The following ARHGAP18 variants were observed in gnomAD, a reference collection of about 807,000 sequenced individuals.
ARHGAP18 encodes rho GTPase-activating protein 18.
ARHGAP18 carries 67 observed loss-of-function variants against 86.2 expected under a neutral mutation model. The observed-to-expected ratio is 0.78, with a 90% CI of 0.64 to 0.95. The LOEUF (loss-of-function observed/expected upper bound fraction) is 0.95, where lower values mean the gene tolerates loss of function less well. Among genes scored for constraint, ARHGAP18 ranks in the 40% least tolerant of loss-of-function variants. ARHGAP18 has a pLI of 0.00. For synonymous variants in ARHGAP18, 283 were observed against 280.4 expected (o/e 1.01, Z -0.09); for missense variants, 691 against 780.4 (o/e 0.89, Z 1.37).
intron 1 of ARHGAP18, among the ~76,000 whole-genome samples, chr6:129,696,951 C>T (rs1774626937): frequency 6.6e-6 from 1 of 152,166 alleles, no homozygotes; most frequent in Non-Finnish European, 1.5e-5. Context: ...GAAGTGTATC[C>T]TATTCCTCCA....
chr6:129,642,068 T>C, intron 1 of ARHGAP18, 50 bp from the exon 2 acceptor site: 2 of 1,544,572 alleles, frequency 1.3e-6, no homozygotes, highest in South Asian at 1.1e-5. Flanking sequence ...AAGGAAGCAG[T>C]ATAATTTCTA....
intron 12 of ARHGAP18, among the ~76,000 whole-genome samples, chr6:129,598,360 CT>C (rs1396225764): frequency 2.2e-4 from 34 of 152,124 alleles, no homozygotes; most frequent in Non-Finnish European, 2.6e-4. Context: ...TTTATGATTA[CT>C]GGATCCATAA....
At chr6:129,632,257 A>G (rs1482160671) in intron 4 of ARHGAP18, among the ~76,000 whole-genome samples, 3 of 152,174 alleles carry the variant, frequency 2.0e-5, no homozygotes, top group Non-Finnish European at 4.4e-5. Flanking sequence ...GGCATCACAC[A>G]TTCTCTTGTT....
chr6:129,612,475 G>C (rs1184148172), intron 7 of ARHGAP18, among the ~76,000 whole-genome samples: 1 of 152,078 alleles, frequency 6.6e-6, no homozygotes, highest in African/African-American at 2.4e-5. Context: ...CTTTATAAAA[G>C]ACAGACCTAT....
At chr6:129,585,541 C>G (rs763369302) in intron 12 of ARHGAP18, among the ~76,000 whole-genome samples, 12 of 152,194 alleles carry the variant, frequency 7.9e-5, no homozygotes, top group Non-Finnish European at 1.6e-4. Context: ...AGACCACAGA[C>G]TGCAAACAAC....
At chr6:129,684,205 C>A (rs780673123) in intron 1 of ARHGAP18, among the ~76,000 whole-genome samples, 1 of 152,148 alleles carries the variant, frequency 6.6e-6, no homozygotes, top group African/African-American at 2.4e-5. Flanking sequence ...ATGATGCATG[C>A]GATAGCTAAG....
chr6:129,700,053 C>G (rs1303159573), intron 1 of ARHGAP18, among the ~76,000 whole-genome samples: 1 of 152,178 alleles, frequency 6.6e-6, no homozygotes, highest in Non-Finnish European at 1.5e-5. Flanking sequence ...GAACACATCC[C>G]CCAGATCTCT....
At chr6:129,702,021 A>G (rs1168403167) in intron 1 of ARHGAP18, among the ~76,000 whole-genome samples, 1 of 152,218 alleles carries the variant, frequency 6.6e-6, no homozygotes, top group African/African-American at 2.4e-5. Context: ...TCCTTTCCCT[A>G]TGACCCAGAT....
intron 12 of ARHGAP18, among the ~76,000 whole-genome samples, chr6:129,588,383 T>C (rs112168037): frequency 0.099 from 15,151 of 152,272 alleles, 925 homozygotes; most frequent in Middle Eastern, 0.17. Flanking sequence ...CCCAGAGTGC[T>C]GGGATAACAG....
chr6:129,630,402 T>C (rs1033086926), intron 4 of ARHGAP18, among the ~76,000 whole-genome samples: 2 of 152,190 alleles, frequency 1.3e-5, no homozygotes, highest in Non-Finnish European at 2.9e-5. Context: ...AGAACCAAGA[T>C]TACTGATTTT....
intron 1 of ARHGAP18, among the ~76,000 whole-genome samples, chr6:129,697,257 T>C (rs1315282331): frequency 1.3e-5 from 2 of 152,190 alleles, no homozygotes; most frequent in East Asian, 3.8e-4. Context: ...CCATCTTGCA[T>C]GATAAAGCCC....
intron 1 of ARHGAP18, among the ~76,000 whole-genome samples, chr6:129,687,602 G>A (rs1212953380): frequency 1.3e-5 from 2 of 152,130 alleles, no homozygotes; most frequent in South Asian, 2.1e-4. Context: ...CTTCAGACAG[G>A]AAGTGGCAAC....
At chr6:129,699,856 G>T (rs1441703099) in intron 1 of ARHGAP18, among the ~76,000 whole-genome samples, 1 of 152,184 alleles carries the variant, frequency 6.6e-6, no homozygotes, top group Non-Finnish European at 1.5e-5. Context: ...AACTTGAAAT[G>T]CAAGTGTAGG....
Position 129,701,597 on chromosome 6 carries a change from C to G in ARHGAP18, c.113+8427G>C, listed in dbSNP as rs1055351474. Reference sequence around the variant, plus strand: ...ACAGCCTGACTAACATGGTGAAACCCCATCTCTACTAAAAATACAAAAATT... The same window carrying G: ...ACAGCCTGACTAACATGGTGAAACCGCATCTCTACTAAAAATACAAAAATT... On this transcript the variant is annotated intron_variant, in intron 1 of 14. Transcript: ENST00000368149. 3.9e-5 allele frequency among the ~76,000 whole-genome samples: 6 copies of G among 152,202 alleles called. No homozygotes were observed. In the East Asian group the frequency reaches 1.2e-3, roughly 29 times the overall value.
At chr6:129,632,844 T>C (rs1186238939) in intron 4 of ARHGAP18, among the ~76,000 whole-genome samples, 1 of 152,140 alleles carries the variant, frequency 6.6e-6, no homozygotes, top group African/African-American at 2.4e-5. Context: ...TTGAGTAATG[T>C]AGGATTTTTA....
intron 1 of ARHGAP18, among the ~76,000 whole-genome samples, chr6:129,695,960 G>A (rs944425251): frequency 6.6e-6 from 1 of 152,068 alleles, no homozygotes; most frequent in Non-Finnish European, 1.5e-5. Flanking sequence ...TTAGTAATAA[G>A]TATAGTGAGG....
chr6:129,677,834 C>G (rs1015459822), intron 1 of ARHGAP18, among the ~76,000 whole-genome samples: 2 of 152,202 alleles, frequency 1.3e-5, no homozygotes, highest in Non-Finnish European at 2.9e-5. Context: ...TTTTCCTTGT[C>G]CTTGCACAGA....
At chr6:129,608,557 C>T (rs955644720) in intron 8 of ARHGAP18, among the ~76,000 whole-genome samples, 7 of 152,062 alleles carry the variant, frequency 4.6e-5, no homozygotes, top group African/African-American at 1.7e-4. Flanking sequence ...TTATAGTAAA[C>T]GAGGCAAGAA....
rs1363300723 is a variant in ARHGAP18, at chr6:129,625,186, T to TATATATATGATATATGATATATG, written c.786+4166_786+4167insCATATATCATATATCATATATAT. Among the ~76,000 whole-genome samples, 2 of 44,636 alleles carry TATATATATGATATATGATATATG rather than the reference T, an allele frequency of 4.5e-5. 1 individual carries two copies. Among genetic ancestry groups the TATATATATGATATATGATATATG allele is most frequent in the African/African-American group, 2.2e-4 (2 of 9,226 alleles). The allele number at this position is 44,636 out of a possible 152,430, so 29.3% of individuals were successfully genotyped here. On this transcript the variant is annotated intron_variant, in intron 5 of 14. Transcript: ENST00000368149. The stretch of plus-strand genomic sequence containing the variant: ...ATATTATATATGATATATTATATAT[T>TATATATATGATATATGATATATG]ATATATGATATATATTTATATGTAA...
Sources: gnomAD v4.1 joint callset for allele counts (sites outside exome capture counted in the v4.1 genomes callset) on GRCh38, gnomAD v4.1.1 for gene constraint, MANE v1.5 for transcripts, NCBI Gene and HGNC (gene_info 2026-07-23, HGNC 2026-07-21) for gene names.